The following BANP variants were observed in gnomAD, a reference collection of about 807,000 sequenced individuals.
BANP encodes the protein protein BANP.
A neutral mutation model predicts 68.1 loss-of-function variants in BANP; 11 were observed. That is an observed-to-expected ratio of 0.16 (90% CI 0.10 to 0.27). BANP has a LOEUF of 0.27. Ranked by LOEUF, BANP falls within the 10% of genes least tolerant of loss-of-function variation. The pLI is 1.00. For missense variants in BANP, 504 were observed against 722.7 expected (o/e 0.70, Z 3.47); for synonymous variants, 329 against 303.2 (o/e 1.09, Z -0.88).
At position 88,021,159 on chromosome 16, in the gene BANP, C is replaced by T. The variant is rs1442512225; in HGVS notation, c.895+2492C>T. Among the ~76,000 whole-genome samples, 14 of 152,204 alleles carry T rather than the reference C, an allele frequency of 9.2e-5. 1 individual carries two copies. In the East Asian group the frequency reaches 2.3e-3, roughly 25 times the overall value. ...CCCTCTCCCCTGGGCCCGCTGGCTT[C>T]GGGGCCATCCTCCAGACAGCTGAGG... is the stretch of plus-strand genomic sequence containing the variant. On this transcript the variant is annotated intron_variant, in intron 7 of 13. Coordinates refer to ENST00000682872, the MANE Select transcript of BANP (RefSeq NM_001386991.1).
intron 4 of BANP, among the ~76,000 whole-genome samples, chr16:87,997,409 G>A (rs1438524042): frequency 1.3e-5 from 2 of 152,270 alleles, no homozygotes; most frequent in African/African-American, 4.8e-5. Context: ...TTTGAACACA[G>A]GTTCTGTCAC....
chr16:87,975,274 C>G (rs778481867), intron 2 of BANP, 89 bp downstream of exon 2: 67 of 1,368,804 alleles, frequency 4.9e-5, no homozygotes, highest in Non-Finnish European at 6.8e-5. Flanking sequence ...TTCCTTTAAG[C>G]AGAAGAAAAA....
chr16:87,951,973 T>C (rs2056991915), intron 1 of BANP, among the ~76,000 whole-genome samples: 1 of 152,228 alleles, frequency 6.6e-6, no homozygotes, highest in Admixed American at 6.5e-5. Flanking sequence ...TTGTGCCTCC[T>C]CCGTGGCTGT....
intron 8 of BANP, among the ~76,000 whole-genome samples, chr16:88,030,500 C>G (rs1446829794): frequency 1.3e-5 from 2 of 152,278 alleles, no homozygotes; most frequent in Non-Finnish European, 1.5e-5. Context: ...GAATGAAAAC[C>G]CAAGTTAAAT....
chr16:88,045,691 C>T (rs1017146319), intron 11 of BANP, among the ~76,000 whole-genome samples: 4 of 151,078 alleles, frequency 2.6e-5, no homozygotes, highest in African/African-American at 9.8e-5. Context: ...GACCACAGCA[C>T]CTTTCTTCTC....
At chr16:88,035,925 G>A (rs1009115422) in intron 10 of BANP, among the ~76,000 whole-genome samples, 4 of 152,256 alleles carry the variant, frequency 2.6e-5, no homozygotes, top group African/African-American at 9.6e-5. Context: ...GATTGTCTCA[G>A]TTTCTGGAGC....
At chr16:88,070,480 C>T (rs867028709) in intron 12 of BANP, among the ~76,000 whole-genome samples, 8 of 152,284 alleles carry the variant, frequency 5.3e-5, no homozygotes, top group African/African-American at 1.9e-4. Context: ...GAAGGTCGAC[C>T]GCTCCTTAGG....
chr16:88,031,378 T>G (rs1291338973), intron 8 of BANP, among the ~76,000 whole-genome samples: 2 of 152,188 alleles, frequency 1.3e-5, no homozygotes, highest in East Asian at 1.9e-4. Context: ...GCACAGTGGC[T>G]TACACCTATA....
intron 7 of BANP, among the ~76,000 whole-genome samples, chr16:88,026,749 A>C (rs2077074951): frequency 6.6e-6 from 1 of 151,416 alleles, no homozygotes. Context: ...CAATTCTCCA[A>C]ACCGTGTTTA....
At chr16:87,990,936 G>C (rs980811968) in intron 4 of BANP, among the ~76,000 whole-genome samples, 4 of 152,114 alleles carry the variant, frequency 2.6e-5, no homozygotes, top group African/African-American at 9.7e-5. Context: ...CTAATTTTTT[G>C]TATTTTTAGT....
At chr16:88,061,467 C>T (rs1334271437) in intron 11 of BANP, among the ~76,000 whole-genome samples, 1 of 152,184 alleles carries the variant, frequency 6.6e-6, no homozygotes, top group Non-Finnish European at 1.5e-5. Context: ...TCTGACCATC[C>T]ACTAATGGGT....
At chr16:88,046,748 G>A (rs1398387320) in intron 11 of BANP, among the ~76,000 whole-genome samples, 3 of 151,834 alleles carry the variant, frequency 2.0e-5, no homozygotes, top group Non-Finnish European at 2.9e-5. Context: ...GGGTTTCACC[G>A]TGTTGTGTTT....
chr16:87,976,402 G>T (rs1010642690), intron 2 of BANP, among the ~76,000 whole-genome samples: 8 of 150,772 alleles, frequency 5.3e-5, no homozygotes, highest in Admixed American at 6.6e-5. Context: ...CTTGAGAAAT[G>T]AAACCCTAAA....
intron 11 of BANP, among the ~76,000 whole-genome samples, chr16:88,040,453 A>G (rs914717531): frequency 2.0e-5 from 3 of 151,318 alleles, no homozygotes; most frequent in African/African-American, 4.9e-5. Context: ...CACATAGCCC[A>G]TTCGCTCTCC....
At chr16:87,997,043 A>C (rs1431056018) in intron 4 of BANP, among the ~76,000 whole-genome samples, 1 of 152,198 alleles carries the variant, frequency 6.6e-6, no homozygotes, top group African/African-American at 2.4e-5. Context: ...CTCTGTGATG[A>C]GGTGGTTCCC....
intron 1 of BANP, among the ~76,000 whole-genome samples, chr16:87,961,810 T>C (rs956602582): frequency 6.6e-6 from 1 of 152,138 alleles, no homozygotes; most frequent in Non-Finnish European, 1.5e-5. Context: ...GCTCTCCTCG[T>C]GGTGGGTTAG....
intron 13 of BANP, 76 bp downstream of exon 13, chr16:88,072,288 C>T: frequency 2.0e-6 from 3 of 1,502,064 alleles, no homozygotes; most frequent in Non-Finnish European, 2.7e-6. Flanking sequence ...CACACGTGGC[C>T]CCGGGGCTTT....
chr16:87,963,750 C>G (rs8053441), intron 1 of BANP, among the ~76,000 whole-genome samples: 1 of 151,964 alleles, frequency 6.6e-6, no homozygotes, highest in Non-Finnish European at 1.5e-5. Flanking sequence ...TGAAGGAAGC[C>G]CTAGTGTTAA....
intron 10 of BANP, chr16:88,037,720 T>G: frequency 1.9e-6 from 1 of 516,356 alleles, no homozygotes; most frequent in African/African-American, 2.0e-5. Context: ...ACATTTTCAT[T>G]TGGGGTCAGG....
Sources: allele counts gnomAD v4.1 joint callset (sites outside exome capture counted in the v4.1 genomes callset), GRCh38; gene constraint gnomAD v4.1.1; transcripts MANE v1.5; gene names NCBI Gene and HGNC (gene_info 2026-07-23, HGNC 2026-07-21).